MDGA2: variants seen among roughly 807,000 people sequenced by gnomAD.
MDGA2 encodes MAM domain containing glycosylphosphatidylinositol anchor 2.
A neutral mutation model predicts 117.8 loss-of-function variants in MDGA2; 40 were observed. The ratio of observed to expected loss-of-function variants is 0.34; its 90% confidence interval spans 0.26 to 0.44. The LOEUF (loss-of-function observed/expected upper bound fraction) is 0.44, where lower values mean the gene tolerates loss of function less well. MDGA2 is among the 20% of genes least tolerant of loss of function. The probability of loss-of-function intolerance (pLI) is 1.00; values close to 1 mark genes in which losing one functional copy is unlikely to be tolerated. For synonymous variants in MDGA2, 452 were observed against 439.0 expected (o/e 1.03, Z -0.37); for missense variants, 1,123 against 1,250.6 (o/e 0.90, Z 1.54).
At chr14:47,376,556 T>C (rs1891482563) in intron 1 of MDGA2, among the ~76,000 whole-genome samples, 1 of 3,706 alleles carries the variant, frequency 2.7e-4, no homozygotes, top group South Asian at 0.018. Flanking sequence ...TTATCTTCTG[T>C]GCCTTTAGTT....
At chr14:47,216,489 C>T (rs1313598576) in intron 3 of MDGA2, among the ~76,000 whole-genome samples, 1 of 151,986 alleles carries the variant, frequency 6.6e-6, no homozygotes, top group East Asian at 1.9e-4. Flanking sequence ...AAGCTTTTTT[C>T]TATTTTTCTA....
Position 46,957,464 on chromosome 14 carries a change from C to T in MDGA2, c.1999G>A (p.Val667Met). Reference sequence around the variant, plus strand: ...TAGTTTTCATTGGAAAGACTCTTCACAGCGTACTCTGTGTATTCCTGAGAG... The same window carrying T: ...TAGTTTTCATTGGAAAGACTCTTCATAGCGTACTCTGTGTATTCCTGAGAG... ...FDSQEYTEYA[V>M]KSLSNENYGV... Residue 667 changes from valine to methionine, a missense_variant, in exon 9 of 17, where the codon GTG becomes ATG. Around this residue, in one of 2 missense-constraint regions of MDGA2, gnomAD observed 890 missense variants for 1,050.3 expected, o/e 0.85. Coordinates refer to ENST00000399232, the MANE Select transcript of MDGA2 (RefSeq NM_001113498.3). The T allele has an allele frequency of 6.2e-7, 1 of 1,614,124 alleles. No individual in the cohort carries two copies. The highest frequency in any genetic ancestry group is 8.5e-7 in the Non-Finnish European group (1 of 1,180,012).
chr14:47,525,250 C>T (rs1201536858), intron 1 of MDGA2, among the ~76,000 whole-genome samples: 1 of 152,172 alleles, frequency 6.6e-6, no homozygotes, highest in Admixed American at 6.5e-5. Flanking sequence ...TTAACGTTCC[C>T]ACATCTCTCA....
intron 1 of MDGA2, among the ~76,000 whole-genome samples, chr14:47,591,117 T>C (rs939451717): frequency 3.9e-5 from 6 of 152,084 alleles, no homozygotes; most frequent in South Asian, 2.1e-4. Context: ...TGGAATCTTA[T>C]AACATTTTAG....
At chr14:47,531,729 G>A (rs747397897) in intron 1 of MDGA2, among the ~76,000 whole-genome samples, 1 of 152,192 alleles carries the variant, frequency 6.6e-6, no homozygotes, top group Non-Finnish European at 1.5e-5. Context: ...CTTGTCAAAT[G>A]TTGACTGCAA....
chr14:47,024,861 T>C (rs1321393599), intron 8 of MDGA2, among the ~76,000 whole-genome samples: 1 of 152,218 alleles, frequency 6.6e-6, no homozygotes, highest in Non-Finnish European at 1.5e-5. Flanking sequence ...CTTATTATAA[T>C]ATTTAAGGCT....
rs143011294 is a variant in MDGA2, at chr14:47,174,821, A to T, written c.596-30547T>A. On this transcript the variant is annotated intron_variant, in intron 3 of 16. Transcript: ENST00000399232. ...ATCAGAGGAGAACTGAAGGAAATAG[A>T]GACACAAAAAACCCTTCAAAAAATT... 8.7e-3 allele frequency among the ~76,000 whole-genome samples: 1,329 copies of T among 152,310 alleles called. 24 individuals are homozygous for T. The highest frequency in any genetic ancestry group is 0.031 in the African/African-American group (1,273 of 41,576).
At chr14:47,506,370 CACCCA>C (rs2138682546) in intron 1 of MDGA2, among the ~76,000 whole-genome samples, 1 of 152,340 alleles carries the variant, frequency 6.6e-6, no homozygotes, top group African/African-American at 2.4e-5. Flanking sequence ...ACCTTGTTCA[CACCCA>C]GATATGGCCA....
intron 5 of MDGA2, among the ~76,000 whole-genome samples, chr14:47,107,655 G>T (rs55633325): frequency 6.8e-6 from 1 of 147,768 alleles, no homozygotes; most frequent in Admixed American, 6.8e-5. Context: ...TCTCCCTGCC[G>T]ATCGTGTCCG....
chr14:47,153,705 G>T (rs201405783), intron 3 of MDGA2, among the ~76,000 whole-genome samples: 194 of 116,340 alleles, frequency 1.7e-3, no homozygotes, highest in South Asian at 4.9e-3. Flanking sequence ...GAAAAGAAAA[G>T]AAATAAAAAA....
At chr14:47,562,904 C>T (rs1275136071) in intron 1 of MDGA2, among the ~76,000 whole-genome samples, 1 of 152,028 alleles carries the variant, frequency 6.6e-6, no homozygotes, top group African/African-American at 2.4e-5. Flanking sequence ...TTAGCTGTGT[C>T]CCAGTAATGC....
intron 5 of MDGA2, among the ~76,000 whole-genome samples, chr14:47,123,607 A>G (rs1178736667): frequency 2.0e-5 from 3 of 152,072 alleles, no homozygotes; most frequent in Non-Finnish European, 2.9e-5. Context: ...TTCATAAAAA[A>G]TATTTTGTAT....
At chr14:46,935,043 AG>A (rs1884728482) in intron 9 of MDGA2, among the ~76,000 whole-genome samples, 4 of 152,152 alleles carry the variant, frequency 2.6e-5, no homozygotes, top group African/African-American at 9.6e-5. Context: ...AAAAAAAAAA[AG>A]AGTTATGCCA....
intron 1 of MDGA2, among the ~76,000 whole-genome samples, chr14:47,635,567 T>C (rs1897308348): frequency 6.6e-6 from 1 of 152,190 alleles, no homozygotes; most frequent in Admixed American, 6.5e-5. Flanking sequence ...GTTGTCATCA[T>C]CCCTTACATA....
chr14:46,839,662 C>T (rs1880530806), downstream of MDGA2, among the ~76,000 whole-genome samples: 1 of 151,800 alleles, frequency 6.6e-6, no homozygotes, highest in Non-Finnish European at 1.5e-5. Flanking sequence ...ATATTGTGTA[C>T]TTGAATCTCT....
At chr14:47,423,760 T>G (rs13379367) in intron 1 of MDGA2, among the ~76,000 whole-genome samples, 56,638 of 152,006 alleles carry the variant, frequency 0.37, 10,676 homozygotes, top group South Asian at 0.57. Context: ...ATGTCAGTGT[T>G]CTGAGAACTA....
intron 1 of MDGA2, among the ~76,000 whole-genome samples, chr14:47,327,192 C>T (rs1335333096): frequency 1.3e-5 from 2 of 152,120 alleles, no homozygotes; most frequent in Non-Finnish European, 2.9e-5. Flanking sequence ...GCAATAAACC[C>T]CCAACCTCTT....
intron 1 of MDGA2, among the ~76,000 whole-genome samples, chr14:47,382,680 C>A (rs948260358): frequency 1.1e-4 from 16 of 152,126 alleles, no homozygotes; most frequent in African/African-American, 3.9e-4. Context: ...GTTAGAATGG[C>A]AGTCATTAAA....
Position 47,448,399 on chromosome 14 carries a change from C to A in MDGA2, c.281-146849G>T, listed in dbSNP as rs763138401. On this transcript the variant is annotated intron_variant, in intron 1 of 16. Transcript: ENST00000399232. ...AAGTGACCTGCCTGTCTTGGCCTCC[C>A]AAAGTGCTGGGATTACAGGCGTGAG... Among the ~76,000 whole-genome samples the A allele has an allele frequency of 2.6e-5, 4 of 152,088 alleles. No individual in the cohort carries two copies. The East Asian group carries it at 7.8e-4, about 30-fold the overall frequency.
Sources: allele counts gnomAD v4.1 joint callset (sites outside exome capture counted in the v4.1 genomes callset), GRCh38; gene constraint gnomAD v4.1.1; regional missense constraint gnomAD v4.1.1; transcripts MANE v1.5; gene names NCBI Gene and HGNC (gene_info 2026-07-23, HGNC 2026-07-21).